RAD50: variants seen among roughly 807,000 people sequenced by gnomAD.
The protein encoded by RAD50 is DNA repair protein RAD50.
RAD50 carries 132 observed loss-of-function variants against 168.8 expected under a neutral mutation model. The ratio of observed to expected loss-of-function variants is 0.78; its 90% CI spans 0.68 to 0.90. RAD50 has a LOEUF of 0.90. Ranked by LOEUF, RAD50 falls within the 40% of genes least tolerant of loss-of-function variation. The pLI is 0.00. For synonymous variants in RAD50, 525 were observed against 497.4 expected (o/e 1.06, Z -0.74); for missense variants, 1,347 against 1,534.4 (o/e 0.88, Z 2.04).
Position 132,604,738 on chromosome 5 carries a change from G to C in RAD50, c.2525-68G>C, listed in dbSNP as rs1750951396. ...GGATTCCATAGACCGATAAAAATGG[G>C]AAGAATGATACAAATAGTATTTTCT... On this transcript the variant is annotated intron_variant, in intron 15 of 24. Transcript: ENST00000378823. The C allele has an allele frequency of 1.8e-5, 24 of 1,311,982 alleles. No homozygotes were observed. In the South Asian group the frequency reaches 3.0e-4, roughly 17 times the overall value. 81.3% of individuals were successfully genotyped at this position (1,311,982 alleles called of 1,614,324 possible).
chr5:132,602,767 A>G (rs1204083240), intron 13 of RAD50, among the ~76,000 whole-genome samples: 2 of 152,146 alleles, frequency 1.3e-5, no homozygotes, highest in Non-Finnish European at 2.9e-5. Flanking sequence ...CAGTTTTTCC[A>G]TCAATGCCTT....
chr5:132,578,882 G>A (rs1418692993), intron 3 of RAD50, among the ~76,000 whole-genome samples: 1 of 152,136 alleles, frequency 6.6e-6, no homozygotes, highest in Non-Finnish European at 1.5e-5. Flanking sequence ...AGTAAAGACA[G>A]ATATTGCCTC....
At chr5:132,641,948 C>G in intron 24 of RAD50, 1 of 558,636 alleles carries the variant, frequency 1.8e-6, no homozygotes, top group Non-Finnish European at 3.2e-6. Context: ...AGTCCCTAAG[C>G]CAGACCTAAG....
chr5:132,595,726 C>G lies in RAD50; in HGVS notation c.2123C>G (p.Ala708Gly), dbSNP rs1035533874. 1 of 1,613,870 alleles carries G rather than the reference C, an allele frequency of 6.2e-7. No homozygotes were observed. Among genetic ancestry groups the G allele is most frequent in the Non-Finnish European group, 8.5e-7 (1 of 1,179,874 alleles). Residue 708 changes from alanine to glycine, a missense_variant, in exon 13 of 25, where the codon GCT (alanine) becomes GGT (glycine). Ala to Gly is a moderately conservative substitution (Grantham distance 60). Transcript: ENST00000378823. ...ISDLQSKLRLAPDKLKSTESE... is the reference protein window; with the variant it reads ...ISDLQSKLRLGPDKLKSTESE... Reference sequence around the variant, plus strand: ...GATTTGCAGTCTAAACTGCGACTTGCTCCAGATAAACTCAAGTCAACAGAA... The same window carrying G: ...GATTTGCAGTCTAAACTGCGACTTGGTCCAGATAAACTCAAGTCAACAGAA...
At chr5:132,639,149 G>A (rs1053768881) in intron 23 of RAD50, among the ~76,000 whole-genome samples, 2 of 152,032 alleles carry the variant, frequency 1.3e-5, no homozygotes, top group African/African-American at 4.8e-5. Flanking sequence ...CTGAGGTCAG[G>A]AGTTCGAGAC....
At chr5:132,613,594 CTTTTTTTTTTTTT>C (rs869151568) in intron 19 of RAD50, among the ~76,000 whole-genome samples, 115 of 111,126 alleles carry the variant, frequency 1.0e-3, no homozygotes, top group Non-Finnish European at 1.4e-3. Flanking sequence ...TCACAATAGT[CTTTTTTTTTTTTT>C]TTTTTTTTTT....
Position 132,646,071 on chromosome 5 carries a change from G to GT in RAD50, c.*3708dup. 7.8e-6 allele frequency: 1 copy of GT among 128,446 alleles called. No homozygotes were observed. Among genetic ancestry groups the GT allele is most frequent in the Non-Finnish European group, 1.6e-5 (1 of 63,508 alleles). The allele number at this position is 128,446 out of a possible 1,614,324, so 8.0% of individuals were successfully genotyped here. On this transcript the variant is annotated 3_prime_UTR_variant, in exon 25 of 25. Coordinates refer to ENST00000378823, the MANE Select transcript of RAD50 (RefSeq NM_005732.4). ...CACCCCAGCCTGGGTGGGTGGCAGAGTGAGACCCTGTCTAAAAAGACAAAA... is the reference window on the plus strand; with the variant it reads ...CACCCCAGCCTGGGTGGGTGGCAGAGTTGAGACCCTGTCTAAAAAGACAAAA...
intron 20 of RAD50, among the ~76,000 whole-genome samples, chr5:132,616,712 A>C (rs908213384): frequency 6.6e-6 from 1 of 152,118 alleles, no homozygotes; most frequent in Non-Finnish European, 1.5e-5. Flanking sequence ...TTCTGTAAGA[A>C]CCTTGTTGAT....
Position 132,643,076 on chromosome 5 carries a change from C to G in RAD50, c.*712C>G, listed in dbSNP as rs1751769683. ...ACTGTGCACACCCACCTTTGGAAAGCTCTGACCACTTGAGGCCTGATCTGC... is the reference window on the plus strand; with the variant it reads ...ACTGTGCACACCCACCTTTGGAAAGGTCTGACCACTTGAGGCCTGATCTGC... On this transcript the variant is annotated 3_prime_UTR_variant, in exon 25 of 25. Transcript: ENST00000378823. 1 of 529,396 alleles carries G rather than the reference C, an allele frequency of 1.9e-6. No individual in the cohort carries two copies. Among genetic ancestry groups the G allele is most frequent in the African/African-American group, 1.9e-5 (1 of 52,790 alleles). The allele number at this position is 529,396 out of a possible 1,614,324, so 32.8% of individuals were successfully genotyped here.
chr5:132,616,086 A>C lies in RAD50; in HGVS notation c.3120A>C (p.Gln1040His), dbSNP rs778106950. ...ELKEVEEERK[Q>H]HLKEMGQMQV... ...AAGAAGTTGAAGAAGAAAGAAAACAACATTTGAAGGAAATGGGTCAAATGC... is the reference window on the plus strand; with the variant it reads ...AAGAAGTTGAAGAAGAAAGAAAACACCATTTGAAGGAAATGGGTCAAATGC... The change falls in exon 20 of 25, where the codon CAA becomes CAC. Residue 1040 changes from glutamine (Q) to histidine (H), a missense_variant. Physicochemically the swap from Gln to His is conservative, Grantham distance 24. This residue lies in a region of RAD50 where 635 missense variants were observed against 739.2 expected (regional missense o/e 0.86). Coordinates refer to ENST00000378823, the MANE Select transcript of RAD50 (RefSeq NM_005732.4). 11 of 1,613,290 alleles carry C rather than the reference A, an allele frequency of 6.8e-6. No homozygotes were observed. The highest frequency in any genetic ancestry group is 9.3e-6 in the Non-Finnish European group (11 of 1,179,434).
chr5:132,643,212 C>T lies in RAD50; in HGVS notation c.*848C>T, dbSNP rs1751773355. On this transcript the variant is annotated 3_prime_UTR_variant, in exon 25 of 25. Coordinates refer to ENST00000378823, the MANE Select transcript of RAD50 (RefSeq NM_005732.4). ...TGGGCATTGCCATGTGGAAGGCAAG[C>T]CAGGCTCACTCACAGAGTCAAGGCC... The T allele has an allele frequency of 2.8e-6, 1 of 358,714 alleles. No homozygotes were observed. The highest frequency in any genetic ancestry group is 2.7e-5 in the Admixed American group (1 of 36,614). The allele number at this position is 358,714 out of a possible 1,614,324, so 22.2% of individuals were successfully genotyped here.
chr5:132,586,102 A>G lies in RAD50; in HGVS notation c.757-1460A>G, dbSNP rs554343644. The stretch of plus-strand genomic sequence containing the variant: ...AAATATTCTTCAGTGTTTTCCTCTA[A>G]AAGTTTTATAGTTTGAGTTCTTACA... On this transcript the variant is annotated intron_variant, in intron 5 of 24. Transcript: ENST00000378823. Among the ~76,000 whole-genome samples the G allele has an allele frequency of 3.9e-4, 59 of 152,252 alleles. 1 individual carries two copies. Among genetic ancestry groups the G allele is most frequent in the Admixed American group, 2.4e-3 (36 of 15,290 alleles).
At chr5:132,622,166 AT>A (rs151253392) in intron 21 of RAD50, among the ~76,000 whole-genome samples, 60 of 145,788 alleles carry the variant, frequency 4.1e-4, no homozygotes, top group East Asian at 1.8e-3. Context: ...TTTTTTTATA[AT>A]TTTTTTTTTT....
chr5:132,584,462 T>A (rs1053917035), intron 5 of RAD50, among the ~76,000 whole-genome samples: 1 of 152,160 alleles, frequency 6.6e-6, no homozygotes, highest in Non-Finnish European at 1.5e-5. Context: ...TGTAGGTTGC[T>A]TGTTCACTCT....
At chr5:132,620,806 AT>A (rs1343891493) in intron 21 of RAD50, among the ~76,000 whole-genome samples, 1 of 152,194 alleles carries the variant, frequency 6.6e-6, no homozygotes, top group Non-Finnish European at 1.5e-5. Flanking sequence ...ATTAACATAT[AT>A]TTTGTATGTT....
At chr5:132,557,998 A>C (rs1220573564) in intron 1 of RAD50, among the ~76,000 whole-genome samples, 2 of 151,772 alleles carry the variant, frequency 1.3e-5, no homozygotes, top group Non-Finnish European at 2.9e-5. Context: ...ACGTTGGTGC[A>C]CGACTGACTT....
rs1561661088 is a variant in RAD50 at position 132,640,805 on chromosome 5, A to G, written c.3752A>G (p.Glu1251Gly). The change falls in exon 24 of 25, where the codon GAG becomes GGG. Residue 1251 changes from glutamate to glycine, a missense_variant and splice_region_variant. Physicochemically the swap from Glu to Gly is moderately conservative, Grantham distance 98. Transcript: ENST00000378823. The part of the protein sequence containing the change: ...NIESLAHALV[E>G]IIKSRSQQRN... Reference sequence around the variant, plus strand: ...GAATCTCTTGCACATGCTCTGGTTGAGTAAGTATCTCTTGCACATGCTCTG... The same window carrying G: ...GAATCTCTTGCACATGCTCTGGTTGGGTAAGTATCTCTTGCACATGCTCTG... 6.2e-7 allele frequency: 1 copy of G among 1,613,194 alleles called. No homozygotes were observed. Among genetic ancestry groups the G allele is most frequent in the Admixed American group, 1.7e-5 (1 of 59,940 alleles).
intron 11 of RAD50, among the ~76,000 whole-genome samples, chr5:132,593,754 C>CA (rs770613112): frequency 3.9e-5 from 6 of 152,210 alleles, no homozygotes; most frequent in Non-Finnish European, 7.4e-5. Context: ...AAGGGATACT[C>CA]AAAGTCATTA....
chr5:132,570,554 C>T (rs1379537259), intron 2 of RAD50, among the ~76,000 whole-genome samples: 1 of 152,220 alleles, frequency 6.6e-6, no homozygotes, highest in African/African-American at 2.4e-5. Context: ...CTTTAAGCCT[C>T]ATGAACCAAC....
Sources: gnomAD v4.1 joint callset for allele counts (sites outside exome capture counted in the v4.1 genomes callset) on GRCh38, gnomAD v4.1.1 for gene constraint, gnomAD v4.1.1 regional missense constraint, MANE v1.5 for transcripts, NCBI Gene and HGNC (gene_info 2026-07-23, HGNC 2026-07-21) for gene names.